Variants in GPAM observed in about 807,000 individuals in gnomAD.
GPAM encodes glycerol-3-phosphate acyltransferase, mitochondrial.
GPAM carries 56 observed loss-of-function variants against 105.0 expected under a neutral mutation model. The ratio of observed to expected loss-of-function variants is 0.53; its 90% CI spans 0.43 to 0.67. GPAM has a LOEUF of 0.67. Among genes scored for constraint, GPAM ranks in the 30% least tolerant of loss-of-function variants. GPAM has a pLI of 0.00. For synonymous variants in GPAM, 368 were observed against 354.4 expected, an observed-to-expected ratio of 1.04 and a Z score of -0.43; for missense variants, 855 against 989.8, an observed-to-expected ratio of 0.86 and a Z score of 1.83.
intron 18 of GPAM, 51 bp downstream of exon 18, chr10:112,158,265 G>A (rs1027951483): frequency 9.4e-7 from 1 of 1,062,642 alleles, no homozygotes; most frequent in Admixed American, 1.7e-5. Flanking sequence ...GAAAAGGTAA[G>A]GGAATGAAGA....
At chr10:112,204,568 G>A (rs541687191) in intron 1 of GPAM, among the ~76,000 whole-genome samples, 11 of 151,696 alleles carry the variant, frequency 7.3e-5, no homozygotes, top group South Asian at 2.1e-4. Context: ...CTGGGCATTA[G>A]GTTCTGACAA....
chr10:112,160,897 T>C (rs757714468), intron 15 of GPAM, 29 bp from the exon 16 acceptor site: 42 of 1,602,788 alleles, frequency 2.6e-5, no homozygotes, highest in Non-Finnish European at 3.1e-5. Context: ...GGTATCATGA[T>C]GGTGGAAAAC....
intron 20 of GPAM, chr10:112,155,252 C>A: frequency 5.7e-6 from 1 of 174,932 alleles, no homozygotes; most frequent in Non-Finnish European, 1.2e-5. Flanking sequence ...CTCCAAACTA[C>A]AACTGTATAA....
At chr10:112,202,330 T>C (rs1428922128) in intron 1 of GPAM, among the ~76,000 whole-genome samples, 1 of 152,150 alleles carries the variant, frequency 6.6e-6, no homozygotes, top group African/African-American at 2.4e-5. Context: ...GTTACCAATC[T>C]CTCCATTAAG....
chr10:112,214,613 G>A (rs773198445), intron 1 of GPAM, among the ~76,000 whole-genome samples: 36 of 152,274 alleles, frequency 2.4e-4, no homozygotes, highest in African/African-American at 7.2e-4. Flanking sequence ...AATATCACCC[G>A]TTAAACACAG....
intron 1 of GPAM, among the ~76,000 whole-genome samples, chr10:112,211,245 CT>C (rs1847907748): frequency 6.6e-6 from 1 of 152,180 alleles, no homozygotes. Context: ...CCTAGCTTCT[CT>C]CCACCAGCAG....
chr10:112,178,038 C>G lies in GPAM; in HGVS notation c.245G>C (p.Ser82Thr). 1.3e-6 allele frequency: 2 copies of G among 1,595,798 alleles called. No individual in the cohort carries two copies. The highest frequency in any genetic ancestry group is 1.7e-6 in the Non-Finnish European group (2 of 1,163,748). ...PQSWDKFFNP[S>T]IPSLGLRNVI... ...ATTCCGCAAACCCAAAGACGGGATA[C>G]TGGGGTTGAAAAATTTGTCCTATAT... The change falls in exon 5 of 22, where the codon AGT becomes ACT. Residue 82 changes from serine (S) to threonine (T), a missense_variant. Transcript: ENST00000348367.
intron 1 of GPAM, among the ~76,000 whole-genome samples, chr10:112,212,591 G>A (rs1256508060): frequency 1.3e-5 from 2 of 152,150 alleles, no homozygotes; most frequent in Non-Finnish European, 2.9e-5. Context: ...ACAGAAACCA[G>A]TCATCAGGAT....
At position 112,151,415 on chromosome 10, in the gene GPAM, T is replaced by A; in HGVS notation, c.*2135A>T. 1 of 985,764 alleles carries A rather than the reference T, an allele frequency of 1.0e-6. No homozygotes were observed. 61.1% of individuals were successfully genotyped at this position (985,764 alleles called of 1,614,324 possible). ...GTCAGCTTGTCTGGATGAGCATAAC[T>A]TTGGTTGAGATTTTTCTCCCTTAAA... On this transcript the variant is annotated 3_prime_UTR_variant, in exon 22 of 22. Coordinates refer to ENST00000348367, the MANE Select transcript of GPAM (RefSeq NM_001244949.2).
At chr10:112,223,109 C>T in the GPAM span, among the ~76,000 whole-genome samples, 1 of 152,194 alleles carries the variant, frequency 6.6e-6, no homozygotes, top group Non-Finnish European at 1.5e-5. Flanking sequence ...TTTCTCAGAG[C>T]TGCCCTGTGG....
intron 17 of GPAM, among the ~76,000 whole-genome samples, chr10:112,158,685 C>CCTCTGAAGA (rs1168745901): frequency 6.6e-5 from 10 of 152,178 alleles, no homozygotes; most frequent in Admixed American, 6.5e-4. Flanking sequence ...TGTGGAAAGC[C>CCTCTGAAGA]CTCTGAAGAC....
At chr10:112,181,655 G>C (rs1847509720) in intron 3 of GPAM, 28 bp downstream of exon 3, 5 of 1,219,250 alleles carry the variant, frequency 4.1e-6, no homozygotes, top group Non-Finnish European at 4.9e-6. Context: ...TTTAGGCTGA[G>C]TGCTTTTAAC....
At chr10:112,197,264 GT>G (rs1847734465) in intron 1 of GPAM, among the ~76,000 whole-genome samples, 1 of 152,126 alleles carries the variant, frequency 6.6e-6, no homozygotes, top group African/African-American at 2.4e-5. Context: ...GCTCCACAAT[GT>G]TGTGGCATGC....
chr10:112,181,810 T>C lies in GPAM; in HGVS notation c.-26A>G, dbSNP rs746436220. ...GTCACAAAGTGTAATTCCCAAATCA[T>C]GTGCTATAAAAAATAGGTACCATTT... On this transcript the variant is annotated 5_prime_UTR_variant, in exon 3 of 22. The change abolishes an upstream ATG in the 5' untranslated region. Coordinates refer to ENST00000348367, the MANE Select transcript of GPAM (RefSeq NM_001244949.2). 10 of 1,285,432 alleles carry C rather than the reference T, an allele frequency of 7.8e-6. No homozygotes were observed. Among genetic ancestry groups the C allele is most frequent in the Middle Eastern group, 1.8e-4 (1 of 5,428 alleles). The allele number at this position is 1,285,432 out of a possible 1,614,324, so 79.6% of individuals were successfully genotyped here. A position where few individuals can be genotyped will look rare whatever the true frequency, so the allele number is the denominator to read the frequency against.
At chr10:112,158,414 A>T in intron 17 of GPAM, 21 bp from the exon 18 acceptor site, 2 of 1,422,944 alleles carry the variant, frequency 1.4e-6, no homozygotes, top group Non-Finnish European at 2.0e-6. Flanking sequence ...AATTCATTTA[A>T]ATATAAATGC....
At chr10:112,157,146 A>T in intron 19 of GPAM, 103 bp downstream of exon 19, 2 of 1,016,654 alleles carry the variant, frequency 2.0e-6, no homozygotes, top group Non-Finnish European at 3.1e-6. Context: ...TAGTTGGGGG[A>T]TTCTTTAGAT....
rs1564807717 is a variant in GPAM, at chr10:112,151,665, A to C, written c.*1885T>G. On this transcript the variant is annotated 3_prime_UTR_variant, in exon 22 of 22. Coordinates refer to ENST00000348367, the MANE Select transcript of GPAM (RefSeq NM_001244949.2). ...TCTTTGCAGCAATGACAGGCAGGGC[A>C]GAGTGTCGACTGGGAAGCGAGTCCC... The C allele has an allele frequency of 1.6e-5, 16 of 985,234 alleles. No individual in the cohort carries two copies. Among genetic ancestry groups the C allele is most frequent in the Non-Finnish European group, 1.8e-5 (15 of 829,830 alleles). The allele number at this position is 985,234 out of a possible 1,614,324, so 61.0% of individuals were successfully genotyped here.
chr10:112,170,460 T>C (rs1244218230), intron 9 of GPAM, among the ~76,000 whole-genome samples: 1 of 152,198 alleles, frequency 6.6e-6, no homozygotes, highest in Non-Finnish European at 1.5e-5. Flanking sequence ...GAAGTTGGAT[T>C]ACAAAAAATT....
chr10:112,203,259 C>T (rs952652183), intron 1 of GPAM, among the ~76,000 whole-genome samples: 1 of 152,168 alleles, frequency 6.6e-6, no homozygotes, highest in African/African-American at 2.4e-5. Flanking sequence ...TCTCTCTTAT[C>T]CTGAAGAAAG....
Sources: gnomAD v4.1 joint callset for allele counts (sites outside exome capture counted in the v4.1 genomes callset) on GRCh38, gnomAD v4.1.1 for gene constraint, MANE v1.5 for transcripts, NCBI Gene and HGNC (gene_info 2026-07-23, HGNC 2026-07-21) for gene names.